Variants in HIP1 observed in about 807,000 individuals in gnomAD.
The protein encoded by HIP1 is huntingtin interacting protein 1, also known as huntingtin-interacting protein 1.
In HIP1, 65 loss-of-function variants were observed where a neutral mutation model predicts 147.6. The ratio of observed to expected loss-of-function variants is 0.44; its 90% CI spans 0.36 to 0.54. HIP1 has a LOEUF of 0.54. Ranked by LOEUF, HIP1 falls within the 20% of genes least tolerant of loss-of-function variation. HIP1 has a pLI of 0.00. For missense variants in HIP1, 1,061 were observed against 1,299.6 expected (o/e 0.82, Z 2.82); for synonymous variants, 479 against 504.0 (o/e 0.95, Z 0.67).
chr7:75,640,582 G>T (rs920922102), intron 1 of HIP1, among the ~76,000 whole-genome samples: 1 of 151,946 alleles, frequency 6.6e-6, no homozygotes, highest in Non-Finnish European at 1.5e-5. Flanking sequence ...CGAAACTCCC[G>T]TCTCTACTAA....
At chr7:75,611,676 G>A in intron 1 of HIP1, 2 of 1,024,602 alleles carry the variant, frequency 2.0e-6, no homozygotes, top group Non-Finnish European at 1.2e-6. Context: ...CTCTGGAGGG[G>A]GCTCTGGGTT....
At chr7:75,654,664 T>TTCC (rs1358073536) in intron 1 of HIP1, 2 of 152,210 alleles carry the variant, frequency 1.3e-5, no homozygotes, top group Admixed American at 6.6e-5. Flanking sequence ...TGACTTCTCT[T>TTCC]TCCTCCTCCT....
chr7:75,599,522 A>C (rs1202350345), intron 1 of HIP1, among the ~76,000 whole-genome samples: 1 of 152,168 alleles, frequency 6.6e-6, no homozygotes, highest in African/African-American at 2.4e-5. Flanking sequence ...CTCCCTTGGC[A>C]CAACAACATG....
intron 1 of HIP1, among the ~76,000 whole-genome samples, chr7:75,649,120 G>C (rs2117182316): frequency 6.6e-6 from 1 of 152,242 alleles, no homozygotes; most frequent in South Asian, 2.1e-4. Flanking sequence ...CGCCTCCCGG[G>C]TTCAAGCAAT....
chr7:75,533,792 C>A lies in HIP1; in HGVS notation c.*4380G>T. 1 of 233,918 alleles carries A rather than the reference C, an allele frequency of 4.3e-6. No individual in the cohort carries two copies. Among genetic ancestry groups the A allele is most frequent in the Non-Finnish European group, 8.4e-6 (1 of 118,406 alleles). 14.5% of individuals were successfully genotyped at this position (233,918 alleles called of 1,614,324 possible). On this transcript the variant is annotated 3_prime_UTR_variant, in exon 31 of 31. Transcript: ENST00000336926. ...GTGTGGTGCTGATCTTGTATTTGGTCTGGACCTGGGAGAGGAAGGAATTTG... is the reference window on the plus strand; with the variant it reads ...GTGTGGTGCTGATCTTGTATTTGGTATGGACCTGGGAGAGGAAGGAATTTG...
intron 1 of HIP1, among the ~76,000 whole-genome samples, chr7:75,732,244 T>C (rs1213521672): frequency 6.6e-6 from 1 of 152,152 alleles, no homozygotes; most frequent in Non-Finnish European, 1.5e-5. Context: ...CAGCAGGCCC[T>C]CAATAAATAT....
At chr7:75,627,310 T>C (rs1798079777) in intron 1 of HIP1, among the ~76,000 whole-genome samples, 1 of 152,174 alleles carries the variant, frequency 6.6e-6, no homozygotes, top group Admixed American at 6.6e-5. Context: ...CCTACACCAC[T>C]TGGCAGAATC....
intron 1 of HIP1, among the ~76,000 whole-genome samples, chr7:75,687,582 A>G (rs1199829054): frequency 2.6e-5 from 4 of 152,062 alleles, no homozygotes; most frequent in Non-Finnish European, 1.5e-5. Context: ...TCCCAGCTAC[A>G]TGGGAGGCTG....
rs543997881 is a variant in HIP1 at position 75,723,947 on chromosome 7, T to TAG, written c.120+14853_120+14854insCT. Among the ~76,000 whole-genome samples, 1,280 of 133,694 alleles carry TAG rather than the reference T, an allele frequency of 9.6e-3. 8 individuals are homozygous for TAG. The highest frequency in any genetic ancestry group is 0.015 in the East Asian group (61 of 3,948). 87.7% of individuals were successfully genotyped at this position (133,694 alleles called of 152,430 possible). ...TTATTATTATTATCATTTATATATA[T>TAG]ATAGAGAGAGAGAGAGAGAGAGAAA... On this transcript the variant is annotated intron_variant, in intron 1 of 30. Transcript: ENST00000336926.
At chr7:75,699,980 A>G (rs1800770124) in intron 1 of HIP1, among the ~76,000 whole-genome samples, 1 of 151,812 alleles carries the variant, frequency 6.6e-6, no homozygotes, top group Non-Finnish European at 1.5e-5. Flanking sequence ...CTTCCCTAGT[A>G]GCTGGGATTA....
chr7:75,560,097 G>A (rs587597754), intron 13 of HIP1, among the ~76,000 whole-genome samples, 182 bp from the exon 14 acceptor site: 3 of 152,316 alleles, frequency 2.0e-5, no homozygotes, highest in Non-Finnish European at 4.4e-5. Context: ...AACAATAACA[G>A]GGGATGATGG....
At chr7:75,699,619 C>T (rs1348643329) in intron 1 of HIP1, among the ~76,000 whole-genome samples, 4 of 152,198 alleles carry the variant, frequency 2.6e-5, no homozygotes, top group South Asian at 4.1e-4. Flanking sequence ...GCCCTCGAGA[C>T]GCCAGTCTGT....
intron 1 of HIP1, among the ~76,000 whole-genome samples, chr7:75,646,437 G>T (rs909902481): frequency 2.6e-5 from 4 of 152,362 alleles, no homozygotes; most frequent in Non-Finnish European, 5.9e-5. Context: ...TGACCACAGG[G>T]TCTACAAGTG....
chr7:75,686,550 T>G (rs1554517609), intron 1 of HIP1, among the ~76,000 whole-genome samples: 6 of 152,134 alleles, frequency 3.9e-5, no homozygotes. Context: ...GGAGCTTATT[T>G]GGTATTTGGG....
At chr7:75,655,514 G>A (rs1554512497) in intron 1 of HIP1, among the ~76,000 whole-genome samples, 4 of 151,726 alleles carry the variant, frequency 2.6e-5, no homozygotes, top group South Asian at 2.1e-4. Flanking sequence ...TCCAGGAAGC[G>A]GAGGTTGTAG....
intron 1 of HIP1, among the ~76,000 whole-genome samples, chr7:75,639,848 G>T (rs1353683367): frequency 6.6e-6 from 1 of 152,068 alleles, no homozygotes; most frequent in Non-Finnish European, 1.5e-5. Flanking sequence ...GAATGAGACT[G>T]GGGTCTCCAA....
At chr7:75,572,068 C>T (rs1331429067) in intron 8 of HIP1, among the ~76,000 whole-genome samples, 1 of 152,034 alleles carries the variant, frequency 6.6e-6, no homozygotes, top group Non-Finnish European at 1.5e-5. Context: ...ACAACAACAA[C>T]AAAAAATTAG....
chr7:75,655,883 G>A (rs930455615), intron 1 of HIP1, among the ~76,000 whole-genome samples: 1 of 152,134 alleles, frequency 6.6e-6, no homozygotes, highest in Non-Finnish European at 1.5e-5. Context: ...ACTCTGGGAG[G>A]ACAAGGTGAG....
chr7:75,696,956 C>T (rs782006015), intron 1 of HIP1, among the ~76,000 whole-genome samples: 14 of 151,804 alleles, frequency 9.2e-5, no homozygotes, highest in Non-Finnish European at 1.9e-4. Context: ...GGTCCTCCCC[C>T]CATCCCAAAA....
Sources: gnomAD v4.1 joint callset for allele counts (sites outside exome capture counted in the v4.1 genomes callset) on GRCh38, gnomAD v4.1.1 for gene constraint, MANE v1.5 for transcripts, NCBI Gene and HGNC (gene_info 2026-07-23, HGNC 2026-07-21) for gene names.